Variants in ALK observed in about 807,000 individuals in gnomAD.
ALK encodes ALK receptor tyrosine kinase.
In ALK, 74 loss-of-function variants were observed where a neutral mutation model predicts 163.1. The observed-to-expected ratio is 0.45, with a 90% CI of 0.38 to 0.55. The LOEUF (loss-of-function observed/expected upper bound fraction) is 0.55. Among genes scored for constraint, ALK ranks in the 20% least tolerant of loss-of-function variants. ALK has a pLI of 0.00. For missense variants in ALK, 2,063 were observed against 2,105.3 expected, an observed-to-expected ratio of 0.98 and a Z score of 0.39; for synonymous variants, 960 against 843.2, an observed-to-expected ratio of 1.14 and a Z score of -2.40.
At chr2:29,692,856 C>T (rs566060670) in intron 3 of ALK, among the ~76,000 whole-genome samples, 36 of 152,152 alleles carry the variant, frequency 2.4e-4, no homozygotes, top group South Asian at 4.1e-4. Context: ...TGTTCAATGA[C>T]GGTAGAAGAG....
At position 29,883,170 on chromosome 2, in the gene ALK, GGAAAA is replaced by G. The variant is rs370338105; in HGVS notation, c.667+36818_667+36822del. Among the ~76,000 whole-genome samples the G allele has an allele frequency of 2.5e-3, 378 of 151,814 alleles. 2 individuals are homozygous for G. The highest frequency in any genetic ancestry group is 8.6e-3 in the African/African-American group (358 of 41,412). On this transcript the variant is annotated intron_variant, in intron 1 of 28. Coordinates refer to ENST00000389048, the MANE Select transcript of ALK (RefSeq NM_004304.5). ...AAGAAAAAGAAAAGAGGAAAGGAAA[GGAAAA>G]GAAAAGAAAAGAAGTACAGCATTAA...
At chr2:29,788,753 C>A (rs1664109660) in intron 1 of ALK, among the ~76,000 whole-genome samples, 1 of 152,172 alleles carries the variant, frequency 6.6e-6, no homozygotes, top group Non-Finnish European at 1.5e-5. Flanking sequence ...TTCAGCTTTA[C>A]AACCTGGAGG....
intron 4 of ALK, among the ~76,000 whole-genome samples, chr2:29,530,259 G>A (rs956981224): frequency 4.6e-5 from 7 of 152,082 alleles, no homozygotes; most frequent in African/African-American, 1.2e-4. Flanking sequence ...GCATAGAAAG[G>A]TAAAGAGGGA....
At chr2:29,337,786 C>T (rs1414496372) in intron 5 of ALK, among the ~76,000 whole-genome samples, 4 of 152,190 alleles carry the variant, frequency 2.6e-5, no homozygotes, top group Non-Finnish European at 4.4e-5. Context: ...GCGCCTTTCG[C>T]CCCTAGTTTC....
Position 29,531,439 on chromosome 2 carries a change from T to C in ALK, c.1154+476A>G, listed in dbSNP as rs6729572. 6.7e-3 allele frequency among the ~76,000 whole-genome samples: 1,013 copies of C among 152,264 alleles called. 18 individuals carry two copies. The highest frequency in any genetic ancestry group is 0.023 in the African/African-American group (972 of 41,552). On this transcript the variant is annotated intron_variant, in intron 4 of 28. Coordinates refer to ENST00000389048, the MANE Select transcript of ALK (RefSeq NM_004304.5). ...CTGTTCCAATCTCTACTGAATTACA[T>C]TGGCGTAGTATCCATGACTAATCCT...
At chr2:29,620,101 T>C (rs564518929) in intron 3 of ALK, among the ~76,000 whole-genome samples, 5 of 152,268 alleles carry the variant, frequency 3.3e-5, no homozygotes, top group African/African-American at 1.2e-4. Flanking sequence ...TGGCAATAAT[T>C]AGTATTAAAA....
intron 8 of ALK, 108 bp from the exon 9 acceptor site, chr2:29,297,165 C>G: frequency 1.5e-6 from 2 of 1,334,648 alleles, no homozygotes; most frequent in Non-Finnish European, 2.1e-6. Flanking sequence ...CAGCTGAGTT[C>G]AGCCTGGTGA....
At chr2:29,818,492 C>T (rs1664957473) in intron 1 of ALK, among the ~76,000 whole-genome samples, 1 of 152,270 alleles carries the variant, frequency 6.6e-6, no homozygotes, top group Admixed American at 6.5e-5. Context: ...GCATACCCAA[C>T]ACGCTGGCTG....
At chr2:29,390,695 C>A (rs528249479) in intron 4 of ALK, among the ~76,000 whole-genome samples, 1 of 152,198 alleles carries the variant, frequency 6.6e-6, no homozygotes, top group South Asian at 2.1e-4. Flanking sequence ...CAAATATAAA[C>A]CATTCAGCAC....
At chr2:29,456,338 C>T (rs1670952200) in intron 4 of ALK, among the ~76,000 whole-genome samples, 1 of 152,090 alleles carries the variant, frequency 6.6e-6, no homozygotes, top group Non-Finnish European at 1.5e-5. Flanking sequence ...TGAATGATTA[C>T]ACAAAATGTG....
At chr2:29,572,114 C>T (rs1360258786) in intron 3 of ALK, among the ~76,000 whole-genome samples, 1 of 152,168 alleles carries the variant, frequency 6.6e-6, no homozygotes, top group Non-Finnish European at 1.5e-5. Context: ...AGTCAAGTCA[C>T]ATTTTCAAGA....
intron 26 of ALK, among the ~76,000 whole-genome samples, chr2:29,199,129 T>G (rs1669096611): frequency 6.6e-6 from 1 of 151,432 alleles, no homozygotes; most frequent in South Asian, 2.1e-4. Context: ...AATTTTTGTA[T>G]TTTTAGTAGA....
chr2:29,842,713 A>G (rs900872588), intron 1 of ALK, among the ~76,000 whole-genome samples: 2 of 152,160 alleles, frequency 1.3e-5, no homozygotes, highest in African/African-American at 4.8e-5. Context: ...GGCAGGGCTC[A>G]TTTCTATCAG....
chr2:29,567,709 GA>G (rs111716077), intron 3 of ALK, among the ~76,000 whole-genome samples: 1 of 151,968 alleles, frequency 6.6e-6, no homozygotes, highest in South Asian at 2.1e-4. Context: ...TCCAAGAGAA[GA>G]AAAAAAATAA....
chr2:29,224,949 CTG>C (rs1168164840), intron 19 of ALK, among the ~76,000 whole-genome samples: 2 of 152,222 alleles, frequency 1.3e-5, no homozygotes, highest in Non-Finnish European at 2.9e-5. Context: ...TGGGACCACA[CTG>C]AGTTCTCTGT....
intron 5 of ALK, among the ~76,000 whole-genome samples, chr2:29,378,721 CCTCT>C (rs1668819068): frequency 1.3e-5 from 2 of 151,852 alleles, no homozygotes; most frequent in South Asian, 2.1e-4. Context: ...CCCCTCCCTC[CCTCT>C]CTTTCTTTTT....
intron 3 of ALK, among the ~76,000 whole-genome samples, chr2:29,604,636 G>A (rs2148216852): frequency 6.6e-6 from 1 of 152,234 alleles, no homozygotes; most frequent in Admixed American, 6.5e-5. Context: ...AAGATAAAAG[G>A]GAAAAGAGGT....
chr2:29,769,556 C>T lies in ALK; in HGVS notation c.668-51859G>A, dbSNP rs371687539. Among the ~76,000 whole-genome samples the T allele has an allele frequency of 1.4e-4, 21 of 152,250 alleles. 1 individual carries two copies. Among genetic ancestry groups the T allele is most frequent in the African/African-American group, 4.1e-4 (17 of 41,540 alleles). Reference sequence around the variant, plus strand: ...TCAGCACCTAGCCCCAGGCCTGGCTCGGCTACTGAACAGACCTCAGGGTAG... The same window carrying T: ...TCAGCACCTAGCCCCAGGCCTGGCTTGGCTACTGAACAGACCTCAGGGTAG... On this transcript the variant is annotated intron_variant, in intron 1 of 28. Coordinates refer to ENST00000389048, the MANE Select transcript of ALK (RefSeq NM_004304.5).
chr2:29,892,419 C>T (rs1173305094), intron 1 of ALK: 2 of 152,178 alleles, frequency 1.3e-5, no homozygotes, highest in Non-Finnish European at 2.9e-5. Flanking sequence ...CGCAGCATAA[C>T]CAAGTGAAAA....
Sources: allele counts gnomAD v4.1 joint callset (sites outside exome capture counted in the v4.1 genomes callset), GRCh38; gene constraint gnomAD v4.1.1; transcripts MANE v1.5; gene names NCBI Gene and HGNC (gene_info 2026-07-23, HGNC 2026-07-21).